Variants in NAV2 observed in about 807,000 individuals in gnomAD.
The protein encoded by NAV2 is neuron navigator 2, also known as helicase, APC down-regulated 1.
Under a neutral mutation model 223.2 loss-of-function variants are expected in NAV2, and 54 were observed. The ratio of observed to expected loss-of-function variants is 0.24; its 90% CI spans 0.19 to 0.30. The LOEUF (loss-of-function observed/expected upper bound fraction) is 0.30. Among genes scored for constraint, NAV2 ranks in the 10% least tolerant of loss-of-function variants. NAV2 has a pLI of 1.00. For missense variants in NAV2, 2,806 were observed against 3,147.5 expected (o/e 0.89, Z 2.60); for synonymous variants, 1,279 against 1,239.3 (o/e 1.03, Z -0.67).
intron 1 of NAV2, among the ~76,000 whole-genome samples, chr11:19,767,173 G>A (rs570652580): frequency 3.9e-5 from 6 of 152,284 alleles, no homozygotes; most frequent in South Asian, 2.1e-4. Context: ...TAGAAACTGG[G>A]GTGTATAGAT....
At chr11:19,712,140 A>C (rs1000369903), upstream of NAV2, 2 of 152,224 alleles carry the variant, frequency 1.3e-5, no homozygotes. Flanking sequence ...CATGAAACGC[A>C]GCAAGGTTTG....
intron 3 of NAV2, among the ~76,000 whole-genome samples, chr11:19,846,397 G>C (rs1022358647): frequency 3.3e-5 from 5 of 152,126 alleles, no homozygotes; most frequent in African/African-American, 4.8e-5. Context: ...AGGCACAGAG[G>C]TCTTTTCAGA....
At chr11:19,829,786 C>T (rs2059829699) in intron 1 of NAV2, among the ~76,000 whole-genome samples, 1 of 152,190 alleles carries the variant, frequency 6.6e-6, no homozygotes, top group Non-Finnish European at 1.5e-5. Context: ...CATATAGTCC[C>T]ACTCTGAGTC....
intron 1 of NAV2, among the ~76,000 whole-genome samples, chr11:19,747,675 G>A (rs187111862): frequency 7.9e-5 from 12 of 152,170 alleles, no homozygotes; most frequent in African/African-American, 2.2e-4. Context: ...CATTCCTGGC[G>A]TCCTCTGCTC....
Position 19,713,980 on chromosome 11 carries a change from C to T in NAV2, c.267+18C>T. The T allele has an allele frequency of 6.2e-7, 1 of 1,611,928 alleles. No individual in the cohort carries two copies. Among genetic ancestry groups the T allele is most frequent in the South Asian group, 1.1e-5 (1 of 90,862 alleles). ...ATACCCAGGTGAGAGATGCCGTTTG[C>T]CGGGGTACTGTTCTGGAAGGATGGA... On this transcript the variant is annotated intron_variant, in intron 1 of 37. Coordinates refer to ENST00000349880, the MANE Select transcript of NAV2 (RefSeq NM_145117.5). This position sits in a 1 kb window ranked among gnomAD's most constrained non-coding sequence, Gnocchi z 7.2.
intron 1 of NAV2, among the ~76,000 whole-genome samples, chr11:19,446,721 T>C (rs2632018): frequency 0.91 from 139,252 of 152,192 alleles, 63,762 homozygotes; most frequent in Middle Eastern, 0.95. Flanking sequence ...CTGAACTGCT[T>C]GGAGCACCTC....
rs567247570 is a variant in NAV2, at chr11:19,353,920, A to G, written c.75+2893A>G. 1.7e-3 allele frequency among the ~76,000 whole-genome samples: 262 copies of G among 152,282 alleles called. 1 individual carries two copies. The highest frequency in any genetic ancestry group is 5.9e-3 in the African/African-American group (244 of 41,536). ...AATAAAATGGATTCATGCCATACAT[A>G]TTTTTAGGAAGCTTGCTTTGTCATT... is the stretch of plus-strand genomic sequence containing the variant. On this transcript the variant is annotated intron_variant, in intron 1 of 37. Coordinates refer to the NAV2 transcript ENST00000360655.
chr11:19,544,389 T>G (rs2044428317), intron 1 of NAV2, among the ~76,000 whole-genome samples: 1 of 152,176 alleles, frequency 6.6e-6, no homozygotes, highest in Non-Finnish European at 1.5e-5. Flanking sequence ...CAGGTTCAGA[T>G]CTCACATCCC....
At chr11:20,106,175 A>ATACGTGTGTGTGTGTG (rs11267537) in intron 35 of NAV2, among the ~76,000 whole-genome samples, 1 of 35,842 alleles carries the variant, frequency 2.8e-5, no homozygotes, top group Non-Finnish European at 5.3e-5. Flanking sequence ...ATATATATAT[A>ATACGTGTGTGTGTGTG]TGTGTGTGTA....
chr11:19,444,888 C>G (rs2632009), intron 1 of NAV2, among the ~76,000 whole-genome samples: 50,365 of 151,934 alleles, frequency 0.33, 8,850 homozygotes, highest in East Asian at 0.54. Context: ...ATTACTTAAA[C>G]TTTTTTATAA....
At chr11:19,582,550 T>G (rs1283369769) in intron 1 of NAV2, among the ~76,000 whole-genome samples, 1 of 152,230 alleles carries the variant, frequency 6.6e-6, no homozygotes, top group African/African-American at 2.4e-5. Flanking sequence ...GTATAAGGTG[T>G]AAGGAAGGGA....
chr11:19,577,794 C>T (rs1030556801), intron 1 of NAV2, among the ~76,000 whole-genome samples: 6 of 152,160 alleles, frequency 3.9e-5, no homozygotes, highest in Non-Finnish European at 8.8e-5. Context: ...TTGGGGGCTG[C>T]TTTCTGTTCC....
chr11:20,085,025 CA>C (rs1229221426), intron 26 of NAV2, among the ~76,000 whole-genome samples: 1 of 150,652 alleles, frequency 6.6e-6, no homozygotes, highest in African/African-American at 2.4e-5. Context: ...TCTGTCTCTA[CA>C]AAAAAAAATT....
intron 1 of NAV2, among the ~76,000 whole-genome samples, chr11:19,688,058 T>C (rs941551410): frequency 1.3e-5 from 2 of 152,082 alleles, no homozygotes; most frequent in African/African-American, 2.4e-5. Flanking sequence ...TCAGAGATCA[T>C]AGAATGGGAT....
intron 11 of NAV2, among the ~76,000 whole-genome samples, chr11:19,994,408 G>A (rs996333419): frequency 1.2e-4 from 19 of 152,280 alleles, no homozygotes; most frequent in Middle Eastern, 3.4e-3. Context: ...TTAGCTGGGC[G>A]TGGTGGCGGG....
At chr11:19,857,500 T>C (rs1286673293) in intron 3 of NAV2, among the ~76,000 whole-genome samples, 2 of 152,222 alleles carry the variant, frequency 1.3e-5, no homozygotes, top group South Asian at 4.1e-4. Context: ...TTTCTGCCCA[T>C]TGAATAGGAC....
At chr11:19,487,621 G>A (rs1241091638) in intron 1 of NAV2, among the ~76,000 whole-genome samples, 2 of 152,178 alleles carry the variant, frequency 1.3e-5, no homozygotes, top group Non-Finnish European at 2.9e-5. Flanking sequence ...CATGTGGCAA[G>A]AACTGAGAGC....
chr11:20,103,861 T>C (rs1340155164), intron 34 of NAV2, 137 bp downstream of exon 34: 3 of 792,296 alleles, frequency 3.8e-6, no homozygotes, highest in Non-Finnish European at 6.4e-6. Context: ...GCTTAATCCA[T>C]TTAATTTTAA....
intron 1 of NAV2, among the ~76,000 whole-genome samples, chr11:19,651,593 A>G (rs2047969535): frequency 1.3e-5 from 2 of 152,220 alleles, no homozygotes; most frequent in Admixed American, 1.3e-4. Context: ...GGGCTTGCTG[A>G]ACCTCAGTTT....
Sources: allele counts gnomAD v4.1 joint callset (sites outside exome capture counted in the v4.1 genomes callset), GRCh38; gene constraint gnomAD v4.1.1; non-coding constraint Gnocchi (gnomAD v3.1); transcripts MANE v1.5; gene names NCBI Gene and HGNC (gene_info 2026-07-23, HGNC 2026-07-21).